The following CDC42SE2 variants were observed in gnomAD, a reference collection of about 807,000 sequenced individuals.
The protein encoded by CDC42SE2 is CDC42 small effector 2.
Under a neutral mutation model 11.5 loss-of-function variants are expected in CDC42SE2, and 3 were observed. The ratio of observed to expected loss-of-function variants is 0.26; its 90% confidence interval spans 0.12 to 0.67. The LOEUF (loss-of-function observed/expected upper bound fraction) is 0.67. Ranked by LOEUF, CDC42SE2 falls within the 30% of genes least tolerant of loss-of-function variation. CDC42SE2 has a pLI of 0.80. For missense variants in CDC42SE2, 82 were observed against 106.8 expected (o/e 0.77, Z 1.02); for synonymous variants, 33 against 34.8 (o/e 0.95, Z 0.18).
chr5:131,296,220 G>A (rs1253330975), intron 1 of CDC42SE2, among the ~76,000 whole-genome samples: 1 of 152,198 alleles, frequency 6.6e-6, no homozygotes, highest in East Asian at 1.9e-4. Context: ...CCACACTGAA[G>A]CAAGGCCAAA....
the CDC42SE2 span, among the ~76,000 whole-genome samples, chr5:131,228,804 C>T: frequency 0.03 from 4,583 of 152,222 alleles, 225 homozygotes; most frequent in African/African-American, 0.099. Context: ...CTAACTTGCT[C>T]CCTTGAGCAC....
At chr5:131,355,553 G>A (rs1181294396) in intron 2 of CDC42SE2, among the ~76,000 whole-genome samples, 2 of 152,112 alleles carry the variant, frequency 1.3e-5, no homozygotes, top group Non-Finnish European at 2.9e-5. Context: ...GAGTGATAGA[G>A]CTTGTCACTT....
intron 1 of CDC42SE2, among the ~76,000 whole-genome samples, chr5:131,253,505 C>T (rs1417828139): frequency 1.3e-5 from 2 of 152,210 alleles, no homozygotes; most frequent in Non-Finnish European, 2.9e-5. Flanking sequence ...TGACTCATGC[C>T]TGTAATCCCA....
chr5:131,259,080 C>T (rs376818487), upstream of CDC42SE2, among the ~76,000 whole-genome samples: 1 of 152,180 alleles, frequency 6.6e-6, no homozygotes, highest in Non-Finnish European at 1.5e-5. Context: ...GTTATTTTCT[C>T]CTTTCTCAAT....
At chr5:131,222,332 G>A in the CDC42SE2 span, among the ~76,000 whole-genome samples, 1 of 152,202 alleles carries the variant, frequency 6.6e-6, no homozygotes, top group Non-Finnish European at 1.5e-5. Flanking sequence ...TAAAAGCATA[G>A]GCTTTTGCTA....
chr5:131,349,353 G>T (rs1288694404), intron 2 of CDC42SE2, among the ~76,000 whole-genome samples: 1 of 112,446 alleles, frequency 8.9e-6, no homozygotes. Context: ...GGTGGGGGGA[G>T]GGAGAAGGGA....
chr5:131,287,191 C>T (rs1757358899), intron 1 of CDC42SE2, among the ~76,000 whole-genome samples: 1 of 151,838 alleles, frequency 6.6e-6, no homozygotes, highest in African/African-American at 2.4e-5. Flanking sequence ...GACTGGGTTT[C>T]ACCATGTTGG....
intron 3 of CDC42SE2, 73 bp downstream of exon 3, chr5:131,359,620 T>C (rs1017237571): frequency 9.1e-7 from 1 of 1,098,292 alleles, no homozygotes; most frequent in Admixed American, 1.7e-5. Context: ...AACTGAGGAT[T>C]GGGATCCTAG....
chr5:131,349,840 CAAAT>C (rs1561594938), intron 2 of CDC42SE2, among the ~76,000 whole-genome samples: 1 of 151,994 alleles, frequency 6.6e-6, no homozygotes, highest in African/African-American at 2.4e-5. Flanking sequence ...CACAAAAGGA[CAAAT>C]AAAAAATTTA....
At chr5:131,320,080 AAG>A (rs1229424325) in intron 2 of CDC42SE2, among the ~76,000 whole-genome samples, 3 of 144,510 alleles carry the variant, frequency 2.1e-5, no homozygotes, top group Admixed American at 1.4e-4. Context: ...AAAAAAAAAA[AAG>A]AACATTTAAA....
intron 4 of CDC42SE2, among the ~76,000 whole-genome samples, chr5:131,390,318 C>T (rs1042726477): frequency 2.6e-5 from 4 of 152,038 alleles, no homozygotes; most frequent in African/African-American, 9.7e-5. Context: ...GGTTTTGATT[C>T]TTTACTAAGT....
intron 3 of CDC42SE2, among the ~76,000 whole-genome samples, chr5:131,368,508 G>A (rs1749927375): frequency 6.6e-6 from 1 of 152,148 alleles, no homozygotes; most frequent in African/African-American, 2.4e-5. Context: ...GACTATTACA[G>A]ATCAGTTTTA....
chr5:131,349,888 G>C (rs1272670023), intron 2 of CDC42SE2, among the ~76,000 whole-genome samples: 2 of 152,202 alleles, frequency 1.3e-5, no homozygotes, highest in South Asian at 4.2e-4. Flanking sequence ...AGGGTTAATG[G>C]GTGATTTTCT....
At position 131,392,557 on chromosome 5, in the gene CDC42SE2, G is replaced by A. The variant is rs908056851; in HGVS notation, c.*1466G>A. Reference sequence around the variant, plus strand: ...TGATTAGAATTGCAATAAAAGAAAAGCTTGCATTCATAAGGCATTCATTCT... The same window carrying A: ...TGATTAGAATTGCAATAAAAGAAAAACTTGCATTCATAAGGCATTCATTCT... On this transcript the variant is annotated 3_prime_UTR_variant, in exon 5 of 5. Transcript: ENST00000505065. The A allele has an allele frequency of 5.3e-5, 8 of 152,228 alleles. No individual in the cohort carries two copies. The highest frequency in any genetic ancestry group is 1.2e-4 in the Non-Finnish European group (8 of 68,016). The allele number at this position is 152,228 out of a possible 1,614,324, so 9.4% of individuals were successfully genotyped here. A position where few individuals can be genotyped will look rare whatever the true frequency, so the allele number is the denominator to read the frequency against.
intron 2 of CDC42SE2, among the ~76,000 whole-genome samples, chr5:131,342,634 C>T (rs1197591996): frequency 1.3e-5 from 2 of 151,740 alleles, no homozygotes; most frequent in Admixed American, 6.6e-5. Context: ...GTGATTTGCC[C>T]GCCTCAGCCT....
At chr5:131,380,787 C>T (rs749081896) in intron 3 of CDC42SE2, among the ~76,000 whole-genome samples, 1 of 152,174 alleles carries the variant, frequency 6.6e-6, no homozygotes, top group Non-Finnish European at 1.5e-5. Context: ...TCCTTTTCTC[C>T]TTTCAGCCAC....
At chr5:131,253,389 CT>C (rs1193358179) in intron 1 of CDC42SE2, among the ~76,000 whole-genome samples, 2 of 152,196 alleles carry the variant, frequency 1.3e-5, no homozygotes, top group African/African-American at 2.4e-5. Flanking sequence ...CTACTACCTA[CT>C]ATAGCCACTC....
chr5:131,340,549 T>C (rs1242333496), intron 2 of CDC42SE2, among the ~76,000 whole-genome samples: 1 of 152,202 alleles, frequency 6.6e-6, no homozygotes, highest in African/African-American at 2.4e-5. Context: ...CTGTTCTGTA[T>C]TAGTAACTCG....
intron 3 of CDC42SE2, among the ~76,000 whole-genome samples, chr5:131,365,944 T>G (rs1749843392): frequency 6.6e-6 from 1 of 152,168 alleles, no homozygotes; most frequent in Non-Finnish European, 1.5e-5. Context: ...ATTGCGCCAC[T>G]GCACTCCAGC....
Sources: gnomAD v4.1 joint callset for allele counts (sites outside exome capture counted in the v4.1 genomes callset) on GRCh38, gnomAD v4.1.1 for gene constraint, MANE v1.5 for transcripts, NCBI Gene and HGNC (gene_info 2026-07-23, HGNC 2026-07-21) for gene names.